RAD51B: variants seen among roughly 807,000 people sequenced by gnomAD.
RAD51B encodes the protein RAD51 paralog B.
A neutral mutation model predicts 42.2 loss-of-function variants in RAD51B; 38 were observed. The ratio of observed to expected loss-of-function variants is 0.90; its 90% CI spans 0.70 to 1.18. The LOEUF (loss-of-function observed/expected upper bound fraction) is 1.18. Ranked by LOEUF, RAD51B falls within the 50% of genes most tolerant of loss-of-function variation. RAD51B has a pLI of 0.00. For missense variants in RAD51B, 373 were observed against 400.7 expected, an observed-to-expected ratio of 0.93 and a Z score of 0.59; for synonymous variants, 154 against 145.2, an observed-to-expected ratio of 1.06 and a Z score of -0.43.
chr14:68,502,405 G>A (rs993791316), intron 10 of RAD51B, among the ~76,000 whole-genome samples: 3 of 152,334 alleles, frequency 2.0e-5, no homozygotes, highest in South Asian at 2.1e-4. Context: ...CCCACGGGCC[G>A]CCCGGGACTT....
chr14:68,030,144 G>A (rs768882110), intron 7 of RAD51B, among the ~76,000 whole-genome samples: 13 of 152,076 alleles, frequency 8.5e-5, no homozygotes, highest in South Asian at 2.1e-4. Context: ...TAGGAGCCTC[G>A]GATTTTTGGA....
At chr14:67,966,789 G>A (rs1041774780) in intron 7 of RAD51B, among the ~76,000 whole-genome samples, 4 of 152,132 alleles carry the variant, frequency 2.6e-5, no homozygotes, top group South Asian at 4.1e-4. Flanking sequence ...GACTCTGCCC[G>A]TAGATCTTGG....
At chr14:68,183,728 G>A (rs1330193441) in intron 7 of RAD51B, among the ~76,000 whole-genome samples, 1 of 152,032 alleles carries the variant, frequency 6.6e-6, no homozygotes, top group Non-Finnish European at 1.5e-5. Context: ...TGGGAGGATT[G>A]CTTGAGCTCA....
chr14:68,605,539 A>G (rs955270551), intron 10 of RAD51B, among the ~76,000 whole-genome samples: 3 of 152,202 alleles, frequency 2.0e-5, no homozygotes, highest in Non-Finnish European at 4.4e-5. Flanking sequence ...TTGGAGAGGA[A>G]CTTTTACTTT....
At chr14:68,600,392 C>A (rs543465463), downstream of RAD51B, among the ~76,000 whole-genome samples, 1 of 152,306 alleles carries the variant, frequency 6.6e-6, no homozygotes, top group South Asian at 2.1e-4. Context: ...CCCATGTCCA[C>A]CCATGTCTAG....
chr14:68,093,028 C>T (rs2077129619), intron 7 of RAD51B, among the ~76,000 whole-genome samples: 3 of 149,834 alleles, frequency 2.0e-5, no homozygotes, highest in Admixed American at 6.7e-5. Context: ...GTTGAACCAG[C>T]CTTGCATCCC....
chr14:67,871,373 C>G (rs920423078), intron 5 of RAD51B, among the ~76,000 whole-genome samples: 2 of 152,116 alleles, frequency 1.3e-5, no homozygotes, highest in Non-Finnish European at 2.9e-5. Flanking sequence ...TACACTCTCC[C>G]AAGACTAAAC....
intron 7 of RAD51B, among the ~76,000 whole-genome samples, chr14:67,916,343 G>C (rs967438206): frequency 6.6e-6 from 1 of 151,936 alleles, no homozygotes; most frequent in African/African-American, 2.4e-5. Context: ...GTGTAGTGGA[G>C]CTCACAGTTT....
chr14:68,411,402 T>A (rs1251286137), intron 8 of RAD51B, 22 bp from the exon 9 acceptor site: 1 of 1,603,536 alleles, frequency 6.2e-7, no homozygotes, highest in Admixed American at 1.7e-5. Context: ...TCTGAAAGCG[T>A]GCTTTTACCA....
At chr14:68,518,874 A>G (rs1377225499) in intron 10 of RAD51B, among the ~76,000 whole-genome samples, 1 of 152,174 alleles carries the variant, frequency 6.6e-6, no homozygotes, top group Non-Finnish European at 1.5e-5. Flanking sequence ...CATTCAAAAA[A>G]CGAAGGATTT....
chr14:68,179,220 G>A (rs918372567), intron 7 of RAD51B, among the ~76,000 whole-genome samples: 7 of 152,058 alleles, frequency 4.6e-5, no homozygotes, highest in Non-Finnish European at 8.8e-5. Context: ...GCTAGTATGC[G>A]GCAGATGTTT....
At chr14:68,222,876 T>A (rs2140966813) in intron 7 of RAD51B, among the ~76,000 whole-genome samples, 1 of 152,286 alleles carries the variant, frequency 6.6e-6, no homozygotes, top group South Asian at 2.1e-4. Context: ...ATACTTCTTT[T>A]CTTACTGTAC....
At chr14:68,308,729 G>T (rs1006789174) in intron 8 of RAD51B, among the ~76,000 whole-genome samples, 21 of 142,354 alleles carry the variant, frequency 1.5e-4, no homozygotes, top group Admixed American at 1.4e-4. Context: ...AAAAAGGGCT[G>T]TTTGGGAATG....
chr14:68,373,798 T>G (rs2083308538), intron 8 of RAD51B, among the ~76,000 whole-genome samples: 1 of 152,202 alleles, frequency 6.6e-6, no homozygotes, highest in Non-Finnish European at 1.5e-5. Context: ...ATAAGAATTT[T>G]TAAAAAAGAT....
At chr14:68,121,449 C>T (rs2077650411) in intron 7 of RAD51B, among the ~76,000 whole-genome samples, 1 of 152,158 alleles carries the variant, frequency 6.6e-6, no homozygotes, top group Non-Finnish European at 1.5e-5. Flanking sequence ...ACCCCATCCC[C>T]ATCTTCTAGT....
At chr14:68,570,873 C>CCACACACACACACACACACACA (rs9323516) in intron 10 of RAD51B, among the ~76,000 whole-genome samples, 2 of 150,242 alleles carry the variant, frequency 1.3e-5, no homozygotes, top group Admixed American at 6.6e-5. Flanking sequence ...GGCTGGAGCG[C>CCACACACACACACACACACACA]CACACACACA....
intron 3 of RAD51B, among the ~76,000 whole-genome samples, chr14:67,828,715 G>T (rs145352165): frequency 6.6e-6 from 1 of 152,122 alleles, no homozygotes. Flanking sequence ...TGGCTAGTCA[G>T]TTCTCCCAGC....
intron 7 of RAD51B, among the ~76,000 whole-genome samples, chr14:68,151,171 G>T (rs2078370944): frequency 6.6e-6 from 1 of 151,794 alleles, no homozygotes. Flanking sequence ...AGATATCTTT[G>T]TTGGGTATAG....
intron 10 of RAD51B, among the ~76,000 whole-genome samples, chr14:68,548,718 C>T (rs544911523): frequency 2.0e-5 from 3 of 152,296 alleles, no homozygotes; most frequent in African/African-American, 7.2e-5. Context: ...GTCAGTGATG[C>T]GCAGGGTGGG....
Sources: gnomAD v4.1 joint callset for allele counts (sites outside exome capture counted in the v4.1 genomes callset) on GRCh38, gnomAD v4.1.1 for gene constraint, MANE v1.5 for transcripts, NCBI Gene and HGNC (gene_info 2026-07-23, HGNC 2026-07-21) for gene names.